AK2: variants seen among roughly 807,000 people sequenced by gnomAD.
AK2 encodes the protein adenylate kinase 2, also known as adenylate kinase 2, mitochondrial.
Under a neutral mutation model 24.6 loss-of-function variants are expected in AK2, and 15 were observed. The ratio of observed to expected loss-of-function variants is 0.61; its 90% CI spans 0.41 to 0.94. AK2 has a LOEUF of 0.94. AK2 is among the 40% of genes least tolerant of loss of function. AK2 has a pLI of 0.00. For synonymous variants in AK2, 102 were observed against 114.0 expected, an observed-to-expected ratio of 0.90 and a Z score of 0.67; for missense variants, 257 against 304.1, an observed-to-expected ratio of 0.85 and a Z score of 1.15.
At position 33,013,476 on chromosome 1, in the gene AK2, T is replaced by C; in HGVS notation, c.499-74A>G. On this transcript the variant is annotated intron_variant, in intron 5 of 5. Transcript: ENST00000672715. ...TTCTTATTCCATGCCAGATGCAGAT[T>C]TGAGATGGGACCATTCTGCCCAGGA... 3.2e-6 allele frequency: 5 copies of C among 1,556,500 alleles called. 1 individual carries two copies. The African/African-American group carries it at 4.1e-5, about 13-fold the overall frequency.
In AK2 at chr1:33,011,589, C is replaced by T. The variant is rs1051872452; in HGVS notation, c.*1592G>A. 6.6e-5 allele frequency: 85 copies of T among 1,286,828 alleles called. No individual in the cohort carries two copies. Among genetic ancestry groups the T allele is most frequent in the Non-Finnish European group, 7.9e-5 (78 of 988,316 alleles). 79.7% of individuals were successfully genotyped at this position (1,286,828 alleles called of 1,614,324 possible). A position where few individuals can be genotyped will look rare whatever the true frequency, so the allele number is the denominator to read the frequency against. On this transcript the variant is annotated 3_prime_UTR_variant, in exon 6 of 6. Coordinates refer to ENST00000672715, the MANE Select transcript of AK2 (RefSeq NM_001625.4). The stretch of plus-strand genomic sequence containing the variant: ...CTGGGCACTTTAGAGTCCACTGAAT[C>T]GAGTCAGCAGCAGATTATGCTGAGG...
rs895580760 is a variant in AK2 at position 33,008,665 on chromosome 1, C to G, written c.*4516G>C. The G allele has an allele frequency of 2.6e-5, 12 of 454,032 alleles. No homozygotes were observed. The highest frequency in any genetic ancestry group is 2.3e-4 in the Admixed American group (10 of 42,562). 28.1% of individuals were successfully genotyped at this position (454,032 alleles called of 1,614,324 possible). A position where few individuals can be genotyped will look rare whatever the true frequency, so the allele number is the denominator to read the frequency against. ...CATGACCTCAGGAATGCCACTTCAC[C>G]TCTCTGAGTCTGGTTTCCTCACCTA... On this transcript the variant is annotated 3_prime_UTR_variant, in exon 6 of 6. Transcript: ENST00000672715.
At chr1:33,013,452 T>G in intron 5 of AK2, 50 bp from the exon 6 acceptor site, 1 of 1,576,064 alleles carries the variant, frequency 6.3e-7, no homozygotes, top group South Asian at 1.1e-5. Context: ...AGCAAGGTTT[T>G]CTTATTCCAT....
intron 4 of AK2, among the ~76,000 whole-genome samples, chr1:33,018,612 G>A (rs557858645): frequency 4.0e-4 from 61 of 152,186 alleles, no homozygotes; most frequent in Non-Finnish European, 7.9e-4. Flanking sequence ...GACATGCTCT[G>A]TGAGGACGGG....
chr1:33,017,928 C>CT (rs1013428074), intron 4 of AK2, among the ~76,000 whole-genome samples: 32 of 151,484 alleles, frequency 2.1e-4, no homozygotes, highest in African/African-American at 2.9e-4. Flanking sequence ...ACCTGGCTAA[C>CT]TTTTTTTTTG....
chr1:33,031,116 C>G (rs1043181883), intron 1 of AK2: 1 of 152,160 alleles, frequency 6.6e-6, no homozygotes, highest in African/African-American at 2.4e-5. Context: ...GGAGGATGAA[C>G]AGGAGAACTT....
intron 4 of AK2, among the ~76,000 whole-genome samples, chr1:33,016,123 T>C (rs994240327): frequency 6.6e-6 from 1 of 152,152 alleles, no homozygotes; most frequent in Non-Finnish European, 1.5e-5. Flanking sequence ...GCCCCCTCTG[T>C]GGATACCAAA....
chr1:33,010,759 C>T lies in AK2; in HGVS notation c.*2422G>A. The T allele has an allele frequency of 6.2e-7, 1 of 1,614,300 alleles. No homozygotes were observed. The highest frequency in any genetic ancestry group is 1.1e-5 in the South Asian group (1 of 91,086). The stretch of plus-strand genomic sequence containing the variant: ...ACCCTGACCACCCTTCCCCTCTGCC[C>T]AGCACCTAAGAGCAGGGATCACGCC... On this transcript the variant is annotated 3_prime_UTR_variant, in exon 6 of 6. Transcript: ENST00000672715.
At chr1:33,024,402 T>A in intron 2 of AK2, 40 bp downstream of exon 2, 1 of 1,612,206 alleles carries the variant, frequency 6.2e-7, no homozygotes, top group Non-Finnish European at 8.5e-7. Flanking sequence ...AGATCTAGAT[T>A]CTGAGGAATA....
intron 1 of AK2, among the ~76,000 whole-genome samples, chr1:33,030,101 C>T (rs1213256165): frequency 3.3e-5 from 5 of 152,260 alleles, no homozygotes; most frequent in African/African-American, 4.8e-5. Context: ...CCTGTGTTTA[C>T]GTCCTGCACC....
At position 33,010,326 on chromosome 1, in the gene AK2, A is replaced by T. The variant is rs1368488944; in HGVS notation, c.*2855T>A. On this transcript the variant is annotated 3_prime_UTR_variant, in exon 6 of 6. Coordinates refer to ENST00000672715, the MANE Select transcript of AK2 (RefSeq NM_001625.4). ...CACCATCCCTATGAATACACCTTACATCTCTTTCAAATGTGGAGATGGTTT... is the reference window on the plus strand; with the variant it reads ...CACCATCCCTATGAATACACCTTACTTCTCTTTCAAATGTGGAGATGGTTT... 1 of 457,724 alleles carries T rather than the reference A, an allele frequency of 2.2e-6. No homozygotes were observed. The highest frequency in any genetic ancestry group is 4.4e-6 in the Non-Finnish European group (1 of 229,450). 28.4% of individuals were successfully genotyped at this position (457,724 alleles called of 1,614,324 possible).
chr1:33,015,148 T>C (rs1303785901), intron 4 of AK2, among the ~76,000 whole-genome samples: 1 of 152,226 alleles, frequency 6.6e-6, no homozygotes, highest in Non-Finnish European at 1.5e-5. Context: ...AGGAAGGTAC[T>C]AACAGGAAAA....
chr1:33,020,414 A>T (rs985708434), intron 4 of AK2, among the ~76,000 whole-genome samples: 4 of 152,248 alleles, frequency 2.6e-5, no homozygotes, highest in African/African-American at 9.6e-5. Flanking sequence ...CACCTAATAT[A>T]GGCAAGGCTT....
rs1227843304 is a variant in AK2, at chr1:33,024,499, C to T, written c.162G>A (p.Val54=). The part of the protein sequence containing the change: ...LATGDMLRAM[V]ASGSELGKKL... ...TTTTTCCTAGCTCTGAGCCAGAAGC[C>T]ACCATGGCCCTCAGCATGTCCCCAG... Residue 54 remains valine, a synonymous_variant, in exon 2 of 6, where the codon GTG becomes GTA. Transcript: ENST00000672715. 3 of 1,614,060 alleles carry T rather than the reference C, an allele frequency of 1.9e-6. No homozygotes were observed. Among genetic ancestry groups the T allele is most frequent in the Non-Finnish European group, 2.5e-6 (3 of 1,180,034 alleles).
intron 4 of AK2, among the ~76,000 whole-genome samples, chr1:33,015,783 G>A (rs1639146884): frequency 6.6e-6 from 1 of 152,134 alleles, no homozygotes; most frequent in African/African-American, 2.4e-5. Flanking sequence ...AGCTACTTGG[G>A]AGGCTGAGGC....
At chr1:33,015,689 G>C (rs982567037) in intron 4 of AK2, among the ~76,000 whole-genome samples, 1 of 152,108 alleles carries the variant, frequency 6.6e-6, no homozygotes, top group Non-Finnish European at 1.5e-5. Flanking sequence ...TCAGGAGTTC[G>C]AGACCAGCCT....
At position 33,008,569 on chromosome 1, in the gene AK2, C is replaced by A. The variant is rs192595083; in HGVS notation, c.*4612G>T. Reference sequence around the variant, plus strand: ...TGCAGAGCTACGCAAGTAATTAAATCACTTCAGCAACAAGATCAAGGGGAC... The same window carrying A: ...TGCAGAGCTACGCAAGTAATTAAATAACTTCAGCAACAAGATCAAGGGGAC... On this transcript the variant is annotated 3_prime_UTR_variant, in exon 6 of 6. Transcript: ENST00000672715. 3.1e-5 allele frequency: 14 copies of A among 454,062 alleles called. No individual in the cohort carries two copies. In the East Asian group the frequency reaches 9.7e-4, roughly 32 times the overall value. 28.1% of individuals were successfully genotyped at this position (454,062 alleles called of 1,614,324 possible).
intron 4 of AK2, 91 bp downstream of exon 4, chr1:33,021,276 T>G: frequency 8.7e-7 from 1 of 1,143,258 alleles, no homozygotes; most frequent in South Asian, 1.2e-5. Context: ...GAAATGGCAC[T>G]AAGCTTCATG....
At chr1:33,024,252 T>C in intron 2 of AK2, 190 bp downstream of exon 2, 2 of 757,346 alleles carry the variant, frequency 2.6e-6, no homozygotes, top group Non-Finnish European at 4.4e-6. Flanking sequence ...AGAATTTTGT[T>C]TGATGATGGA....
Sources: allele counts gnomAD v4.1 joint callset (sites outside exome capture counted in the v4.1 genomes callset), GRCh38; gene constraint gnomAD v4.1.1; transcripts MANE v1.5; gene names NCBI Gene and HGNC (gene_info 2026-07-23, HGNC 2026-07-21).